Variants in BMP6 observed in about 807,000 individuals in gnomAD.
BMP6 encodes VG-1-R.
In BMP6, 17 loss-of-function variants were observed where a neutral mutation model predicts 54.1. The ratio of observed to expected loss-of-function variants is 0.31; its 90% CI spans 0.22 to 0.47. The LOEUF (loss-of-function observed/expected upper bound fraction) is 0.47, where lower values mean the gene tolerates loss of function less well. BMP6 is among the 20% of genes least tolerant of loss of function. BMP6 has a pLI of 1.00. For synonymous variants in BMP6, 328 were observed against 291.2 expected (o/e 1.13, Z -1.28); for missense variants, 720 against 690.4 (o/e 1.04, Z -0.48).
intron 1 of BMP6, among the ~76,000 whole-genome samples, chr6:7,784,184 A>G (rs1332916819): frequency 1.3e-5 from 2 of 152,188 alleles, no homozygotes; most frequent in African/African-American, 4.8e-5. Flanking sequence ...TCACATAGGA[A>G]CCAAAAATAG....
intron 1 of BMP6, among the ~76,000 whole-genome samples, chr6:7,756,183 G>A (rs756627694): frequency 1.4e-4 from 22 of 151,840 alleles, no homozygotes; most frequent in Non-Finnish European, 1.9e-4. Context: ...TATATCTCAC[G>A]CTTCAGTGTT....
At chr6:7,878,945 C>G in intron 4 of BMP6, 129 bp from the exon 5 acceptor site, 1 of 882,546 alleles carries the variant, frequency 1.1e-6, no homozygotes. Context: ...GTTGGGTGAC[C>G]ATACTTGTAT....
At chr6:7,761,481 A>G (rs1757612776) in intron 1 of BMP6, among the ~76,000 whole-genome samples, 1 of 152,210 alleles carries the variant, frequency 6.6e-6, no homozygotes, top group African/African-American at 2.4e-5. Flanking sequence ...ACTCAGGGTG[A>G]TCAATTAATA....
intron 1 of BMP6, among the ~76,000 whole-genome samples, chr6:7,729,217 G>A (rs1761806462): frequency 6.6e-6 from 1 of 152,142 alleles, no homozygotes; most frequent in Admixed American, 6.5e-5. Context: ...TGGGGGCCAG[G>A]GTGGCAGAGG....
chr6:7,813,458 CAAAAA>C lies in BMP6; in HGVS notation c.665-31663_665-31659del, dbSNP rs58314970. Reference sequence around the variant, plus strand: ...CAACATAGTGAGATCCCTGTCTCTACAAAAAAAAAAAAAAAAAAAAAAACTATTTA... The same window carrying C: ...CAACATAGTGAGATCCCTGTCTCTACAAAAAAAAAAAAAAAAAACTATTTA... On this transcript the variant is annotated intron_variant, in intron 1 of 6. Coordinates refer to ENST00000283147, the MANE Select transcript of BMP6 (RefSeq NM_001718.6). 5.0e-3 allele frequency among the ~76,000 whole-genome samples: 324 copies of C among 64,364 alleles called. 1 individual carries two copies. The highest frequency in any genetic ancestry group is 6.5e-3 in the East Asian group (12 of 1,860). The allele number at this position is 64,364 out of a possible 152,430, so 42.2% of individuals were successfully genotyped here.
intron 1 of BMP6, among the ~76,000 whole-genome samples, chr6:7,754,449 A>C (rs1001433892): frequency 6.6e-6 from 1 of 151,984 alleles, no homozygotes; most frequent in African/African-American, 2.4e-5. Flanking sequence ...TCTATCAATT[A>C]CTGGATGTTG....
intron 1 of BMP6, among the ~76,000 whole-genome samples, chr6:7,754,684 G>A (rs1360127838): frequency 6.6e-6 from 1 of 152,048 alleles, no homozygotes; most frequent in Non-Finnish European, 1.5e-5. Context: ...TTTCATTTGT[G>A]TGCACACGGC....
At position 7,863,242 on chromosome 6, in the gene BMP6, C is replaced by A. The variant is rs551455086; in HGVS notation, c.1204+744C>A. 1.8e-4 allele frequency among the ~76,000 whole-genome samples: 27 copies of A among 152,328 alleles called. No individual in the cohort carries two copies. The South Asian group carries it at 5.4e-3, about 30-fold the overall frequency. ...CTCGATCTCCTGACCTCGTGATCCA[C>A]CCACCTTGGCCTCCCAAAGTGCTGG... On this transcript the variant is annotated intron_variant, in intron 4 of 6. Coordinates refer to ENST00000283147, the MANE Select transcript of BMP6 (RefSeq NM_001718.6).
At chr6:7,865,073 C>A (rs1759397611) in intron 4 of BMP6, among the ~76,000 whole-genome samples, 1 of 152,198 alleles carries the variant, frequency 6.6e-6, no homozygotes, top group Middle Eastern at 3.4e-3. Context: ...TTATTCAGTA[C>A]CCCCCACCCA....
chr6:7,748,978 G>C (rs1013986530), intron 1 of BMP6, among the ~76,000 whole-genome samples: 1 of 152,158 alleles, frequency 6.6e-6, no homozygotes, highest in African/African-American at 2.4e-5. Flanking sequence ...CAGGTGTCTT[G>C]GTAAAAGAGG....
intron 1 of BMP6, among the ~76,000 whole-genome samples, chr6:7,742,019 T>C (rs546363359): frequency 2.6e-5 from 4 of 152,348 alleles, no homozygotes; most frequent in Non-Finnish European, 4.4e-5. Flanking sequence ...ATAAAACTGG[T>C]GTATGCCGTC....
intron 1 of BMP6, among the ~76,000 whole-genome samples, chr6:7,729,943 C>G (rs1385682886): frequency 1.3e-5 from 2 of 152,184 alleles, no homozygotes; most frequent in Non-Finnish European, 2.9e-5. Context: ...TGGCCTCAAG[C>G]AATCCCCCTG....
intron 4 of BMP6, among the ~76,000 whole-genome samples, chr6:7,866,741 T>C (rs1240881916): frequency 3.3e-5 from 5 of 152,246 alleles, no homozygotes; most frequent in African/African-American, 1.2e-4. Flanking sequence ...GAGTAGTCTC[T>C]TTCAGTCTTG....
chr6:7,766,735 T>C (rs1050020220), intron 1 of BMP6, among the ~76,000 whole-genome samples: 9 of 152,232 alleles, frequency 5.9e-5, no homozygotes, highest in African/African-American at 1.2e-4. Context: ...CATCATTAAA[T>C]AAAATCAGTT....
intron 1 of BMP6, among the ~76,000 whole-genome samples, chr6:7,807,913 C>CTTTTT (rs755894743): frequency 5.9e-3 from 482 of 81,442 alleles, no homozygotes; most frequent in Middle Eastern, 0.014. Flanking sequence ...GAAGTCTTTA[C>CTTTTT]TTTTTTTTTT....
chr6:7,853,587 G>A (rs1282414651), intron 2 of BMP6, among the ~76,000 whole-genome samples: 1 of 152,148 alleles, frequency 6.6e-6, no homozygotes, highest in Non-Finnish European at 1.5e-5. Context: ...AGCCAGGATG[G>A]GAGAACACTA....
chr6:7,874,948 G>A (rs984291899), intron 4 of BMP6, among the ~76,000 whole-genome samples: 13 of 151,816 alleles, frequency 8.6e-5, no homozygotes, highest in Non-Finnish European at 1.6e-4. Flanking sequence ...TATATAGGAG[G>A]AGATTTATTA....
intron 1 of BMP6, among the ~76,000 whole-genome samples, chr6:7,736,914 G>A (rs1280807727): frequency 6.6e-6 from 1 of 152,162 alleles, no homozygotes; most frequent in Non-Finnish European, 1.5e-5. Context: ...AGGGCCGGGC[G>A]CAGTGGCTCA....
At chr6:7,823,640 T>C (rs1365433622) in intron 1 of BMP6, among the ~76,000 whole-genome samples, 2 of 152,160 alleles carry the variant, frequency 1.3e-5, no homozygotes, top group East Asian at 3.8e-4. Flanking sequence ...ACAGAAGGTC[T>C]CTCTGAGGAG....
Sources: allele counts gnomAD v4.1 joint callset (sites outside exome capture counted in the v4.1 genomes callset), GRCh38; gene constraint gnomAD v4.1.1; transcripts MANE v1.5; gene names NCBI Gene and HGNC (gene_info 2026-07-23, HGNC 2026-07-21).